ELAVL2: variants seen among roughly 807,000 people sequenced by gnomAD.
ELAVL2 encodes the protein ELAV-like protein 2.
In ELAVL2, 4 loss-of-function variants were observed where a neutral mutation model predicts 34.6. That is an observed-to-expected ratio of 0.12 (90% CI 0.06 to 0.26). ELAVL2 has a LOEUF of 0.26. Ranked by LOEUF, ELAVL2 falls within the 10% of genes least tolerant of loss-of-function variation. ELAVL2 has a pLI of 1.00. For synonymous variants in ELAVL2, 193 were observed against 154.8 expected (o/e 1.25, Z -1.83); for missense variants, 432 against 442.8 (o/e 0.98, Z 0.22).
At chr9:23,737,034 A>G (rs1404089027) in intron 2 of ELAVL2, among the ~76,000 whole-genome samples, 1 of 152,176 alleles carries the variant, frequency 6.6e-6, no homozygotes, top group East Asian at 1.9e-4. Context: ...CACACTGTAC[A>G]GTGCTCCTCT....
At chr9:23,833,797 C>T in the ELAVL2 span, among the ~76,000 whole-genome samples, 1 of 151,836 alleles carries the variant, frequency 6.6e-6, no homozygotes, top group Non-Finnish European at 1.5e-5. Context: ...TTAAAGCAAA[C>T]AATCTTCCTA....
chr9:23,833,888 T>G, the ELAVL2 span, among the ~76,000 whole-genome samples: 1 of 152,106 alleles, frequency 6.6e-6, no homozygotes, highest in East Asian at 1.9e-4. Flanking sequence ...TGATTATAAT[T>G]CTATTACCAA....
In ELAVL2 at chr9:23,762,115, G is replaced by A. The variant is rs752020952; in HGVS notation, c.120C>T (p.Asn40=). 18 of 1,613,608 alleles carry A rather than the reference G, an allele frequency of 1.1e-5. No individual in the cohort carries two copies. The East Asian group carries it at 2.5e-4, about 22-fold the overall frequency. Reference sequence around the variant, plus strand: ...TCTGAGGAAGGTAGTTGACTATTAAGTTGGTCTTGCTGTCTTCTGTGTTCC... The same window carrying A: ...TCTGAGGAAGGTAGTTGACTATTAAATTGGTCTTGCTGTCTTCTGTGTTCC... The part of the protein sequence containing the change: ...DSGNTEDSKT[N]LIVNYLPQNM... The change falls in exon 2 of 7, where the codon AAC becomes AAT. Residue 40 remains asparagine, a synonymous_variant. Coordinates refer to ENST00000397312, the MANE Select transcript of ELAVL2 (RefSeq NM_004432.5).
At chr9:23,736,066 A>C (rs2047816046) in intron 2 of ELAVL2, among the ~76,000 whole-genome samples, 1 of 152,110 alleles carries the variant, frequency 6.6e-6, no homozygotes, top group Admixed American at 6.5e-5. Context: ...AAAATACACA[A>C]TCTTCTGGAC....
intron 1 of ELAVL2, among the ~76,000 whole-genome samples, chr9:23,805,349 AAG>A (rs1269915710): frequency 2.0e-4 from 30 of 152,210 alleles, no homozygotes; most frequent in African/African-American, 7.0e-4. Context: ...GGATACTAAC[AAG>A]AGATATGATT....
At chr9:23,798,392 C>T (rs2061209517) in intron 1 of ELAVL2, among the ~76,000 whole-genome samples, 1 of 152,058 alleles carries the variant, frequency 6.6e-6, no homozygotes, top group Admixed American at 6.5e-5. Context: ...ATCTTTGGGC[C>T]TGTAACTTAA....
intron 2 of ELAVL2, among the ~76,000 whole-genome samples, chr9:23,755,144 CA>C (rs887646043): frequency 1.3e-5 from 2 of 152,140 alleles, no homozygotes; most frequent in South Asian, 4.1e-4. Flanking sequence ...CTCCCAAACA[CA>C]AAATACGAGC....
chr9:23,715,645 C>A (rs928555947), intron 3 of ELAVL2, among the ~76,000 whole-genome samples: 18 of 152,168 alleles, frequency 1.2e-4, no homozygotes, highest in African/African-American at 4.1e-4. Context: ...TGAAACTTGA[C>A]CCAATGACAT....
chr9:23,776,960 G>A (rs924231748), intron 1 of ELAVL2, among the ~76,000 whole-genome samples: 34 of 152,116 alleles, frequency 2.2e-4, no homozygotes, highest in African/African-American at 8.2e-4. Flanking sequence ...TTATAAAGAA[G>A]AGCAGGCTGA....
At chr9:23,817,560 C>T (rs1444774087) in intron 1 of ELAVL2, among the ~76,000 whole-genome samples, 3 of 152,140 alleles carry the variant, frequency 2.0e-5, no homozygotes, top group Non-Finnish European at 2.9e-5. Context: ...AGAAACTTAA[C>T]ATTGATATTA....
chr9:23,695,714 T>C (rs187897310), intron 5 of ELAVL2, among the ~76,000 whole-genome samples: 12 of 152,320 alleles, frequency 7.9e-5, no homozygotes, highest in Admixed American at 5.9e-4. Flanking sequence ...CAATGCTAAG[T>C]ATTGTGTATT....
intron 1 of ELAVL2, among the ~76,000 whole-genome samples, chr9:23,814,802 A>G (rs531039412): frequency 1.0e-3 from 153 of 152,334 alleles, no homozygotes; most frequent in African/African-American, 3.4e-3. Context: ...CAATATCAGT[A>G]TAACAAGAAA....
intron 3 of ELAVL2, among the ~76,000 whole-genome samples, chr9:23,727,892 C>T (rs1044517910): frequency 6.6e-6 from 1 of 152,096 alleles, no homozygotes; most frequent in Admixed American, 6.6e-5. Flanking sequence ...TTTCACAGCA[C>T]TTGATTCACT....
chr9:23,738,368 T>C (rs904709363), intron 2 of ELAVL2, among the ~76,000 whole-genome samples: 1 of 152,202 alleles, frequency 6.6e-6, no homozygotes, highest in Non-Finnish European at 1.5e-5. Context: ...TCCTTCCATT[T>C]AAACACTCAA....
chr9:23,735,734 A>G (rs1210556787), intron 2 of ELAVL2, among the ~76,000 whole-genome samples: 1 of 152,220 alleles, frequency 6.6e-6, no homozygotes, highest in Non-Finnish European at 1.5e-5. Flanking sequence ...AGAGATAGAA[A>G]AATAGTTTAT....
chr9:23,761,970 C>T (rs1304491346), intron 2 of ELAVL2, 36 bp downstream of exon 2: 10 of 1,564,386 alleles, frequency 6.4e-6, no homozygotes, highest in Non-Finnish European at 8.7e-6. Context: ...GAGACACGAT[C>T]CGTTAAATAT....
intron 4 of ELAVL2, among the ~76,000 whole-genome samples, chr9:23,702,594 A>G (rs1433533632): frequency 6.6e-6 from 1 of 152,068 alleles, no homozygotes; most frequent in South Asian, 2.1e-4. Flanking sequence ...TAAAAAAAAA[A>G]AAAGAAAGAA....
At chr9:23,828,119 T>A (rs2065384132), upstream of ELAVL2, among the ~76,000 whole-genome samples, 1 of 152,150 alleles carries the variant, frequency 6.6e-6, no homozygotes, top group Non-Finnish European at 1.5e-5. Context: ...CTAGACTAGA[T>A]GTATGAATAA....
chr9:23,811,301 A>G (rs768374110), intron 1 of ELAVL2, among the ~76,000 whole-genome samples: 1 of 151,930 alleles, frequency 6.6e-6, no homozygotes, highest in Non-Finnish European at 1.5e-5. Flanking sequence ...AAGGTAACGC[A>G]GCGTACAAGC....
Sources: allele counts gnomAD v4.1 joint callset (sites outside exome capture counted in the v4.1 genomes callset), GRCh38; gene constraint gnomAD v4.1.1; transcripts MANE v1.5; gene names NCBI Gene and HGNC (gene_info 2026-07-23, HGNC 2026-07-21).